GRB2: variants seen among roughly 807,000 people sequenced by gnomAD.
GRB2 encodes growth factor receptor-bound protein 2.
A neutral mutation model predicts 27.4 loss-of-function variants in GRB2; 2 were observed. The ratio of observed to expected loss-of-function variants is 0.07; its 90% confidence interval spans 0.03 to 0.23. GRB2 has a LOEUF of 0.23. Among genes scored for constraint, GRB2 ranks in the 10% least tolerant of loss-of-function variants. The probability of loss-of-function intolerance (pLI) is 1.00; values close to 1 mark genes in which losing one functional copy is unlikely to be tolerated. For missense variants in GRB2, 102 were observed against 282.4 expected, an observed-to-expected ratio of 0.36 and a Z score of 4.58; for synonymous variants, 94 against 99.6, an observed-to-expected ratio of 0.94 and a Z score of 0.33.
intron 2 of GRB2, among the ~76,000 whole-genome samples, chr17:75,356,418 G>A (rs1438651275): frequency 3.9e-5 from 6 of 152,134 alleles, no homozygotes; most frequent in Non-Finnish European, 7.4e-5. Context: ...TGAGGCAGGA[G>A]GATCGCTTGA....
chr17:75,338,989 A>G (rs1416494605), intron 2 of GRB2: 11 of 1,248,402 alleles, frequency 8.8e-6, no homozygotes, highest in Admixed American at 8.4e-5. Context: ...GACTAAGTCG[A>G]TTTTCCGGAA....
intron 2 of GRB2, among the ~76,000 whole-genome samples, chr17:75,354,264 T>TGGGGGG (rs755108476): frequency 1.3e-4 from 5 of 38,200 alleles, no homozygotes; most frequent in African/African-American, 2.5e-4. Flanking sequence ...TCTTTTTTTT[T>TGGGGGG]GGGGGGGGGG....
chr17:75,405,375 G>C (rs1389741802), intron 1 of GRB2, 114 bp downstream of exon 1: 1 of 152,282 alleles, frequency 6.6e-6, no homozygotes, highest in Non-Finnish European at 1.5e-5. Context: ...CCCAAGCCTC[G>C]CCGCCCCGAC....
intron 2 of GRB2, chr17:75,372,575 GA>G (rs1278066844): frequency 6.6e-6 from 1 of 152,158 alleles, no homozygotes; most frequent in Non-Finnish European, 1.5e-5. Flanking sequence ...AGTGATTCCA[GA>G]AACACTGGTG....
intron 2 of GRB2, among the ~76,000 whole-genome samples, chr17:75,388,829 C>A (rs2078981264): frequency 6.6e-6 from 1 of 152,134 alleles, no homozygotes; most frequent in Non-Finnish European, 1.5e-5. Flanking sequence ...CTCTAACCAA[C>A]CAAACTAGGG....
intron 4 of GRB2, among the ~76,000 whole-genome samples, chr17:75,323,152 TGA>T (rs775578247): frequency 6.7e-6 from 1 of 148,734 alleles, no homozygotes; most frequent in East Asian, 2.0e-4. Flanking sequence ...AGGCATTCTC[TGA>T]GAGTGCTTGT....
At chr17:75,404,627 G>A (rs1268327108) in intron 1 of GRB2, among the ~76,000 whole-genome samples, 1 of 152,110 alleles carries the variant, frequency 6.6e-6, no homozygotes, top group African/African-American at 2.4e-5. Context: ...GAAGCAGATA[G>A]AGAAGGAAGG....
rs918870258 is a variant in GRB2 at position 75,337,987 on chromosome 17, G to C, written c.79-5190C>G. ...ACTCTGTTGCCCAGGCTGGAGTGCA[G>C]TGGCACAATCTCGGCTCACTGCAAC... On this transcript the variant is annotated intron_variant, in intron 2 of 5. Coordinates refer to ENST00000316804, the MANE Select transcript of GRB2 (RefSeq NM_002086.5). Among the ~76,000 whole-genome samples, 81 of 150,108 alleles carry C rather than the reference G, an allele frequency of 5.4e-4. 1 individual carries two copies. Among genetic ancestry groups the C allele is most frequent in the Middle Eastern group, 3.5e-3 (1 of 286 alleles).
chr17:75,393,275 C>A, intron 2 of GRB2: 1 of 504,772 alleles, frequency 2.0e-6, no homozygotes, highest in Non-Finnish European at 3.5e-6. Context: ...TTCCTTTCTA[C>A]AATCACATTA....
intron 2 of GRB2, among the ~76,000 whole-genome samples, chr17:75,375,387 G>GAAA (rs11464562): frequency 2.0e-5 from 3 of 147,578 alleles, no homozygotes; most frequent in Non-Finnish European, 3.0e-5. Context: ...CAATCTTCAG[G>GAAA]AAAAAAAAAA....
At chr17:75,343,939 T>C (rs578096980) in intron 2 of GRB2, among the ~76,000 whole-genome samples, 9 of 152,214 alleles carry the variant, frequency 5.9e-5, no homozygotes, top group African/African-American at 1.9e-4. Flanking sequence ...TGACCTGTAC[T>C]AGACAAACAC....
Position 75,393,665 on chromosome 17 carries a change from G to A in GRB2, c.-37C>T. On this transcript the variant is annotated 5_prime_UTR_variant, in exon 2 of 6. Transcript: ENST00000316804. ...CTCAGTGCTCAGCAGCCTGAAGCAG[G>A]GGGAAGGGAGTCTTCCCTGCTGAAG... 6.4e-7 allele frequency: 1 copy of A among 1,551,776 alleles called. No homozygotes were observed. Among genetic ancestry groups the A allele is most frequent in the Non-Finnish European group, 8.9e-7 (1 of 1,123,638 alleles).
intron 3 of GRB2, among the ~76,000 whole-genome samples, chr17:75,330,612 T>C (rs1289306518): frequency 6.6e-6 from 1 of 152,002 alleles, no homozygotes; most frequent in Non-Finnish European, 1.5e-5. Flanking sequence ...AGGCGGAGGT[T>C]GCAGTGAGCT....
chr17:75,322,372 CAA>C (rs544297344), intron 4 of GRB2, among the ~76,000 whole-genome samples: 21 of 84,580 alleles, frequency 2.5e-4, no homozygotes, highest in Admixed American at 5.2e-4. Context: ...AACTCTGTCT[CAA>C]AAAAAAAAAA....
intron 2 of GRB2, among the ~76,000 whole-genome samples, chr17:75,337,136 G>A (rs1414240171): frequency 1.3e-5 from 2 of 152,144 alleles, no homozygotes; most frequent in Admixed American, 6.5e-5. Context: ...AGGTATTGCT[G>A]CACATACCTC....
chr17:75,339,003 G>C lies in GRB2; in HGVS notation c.79-6206C>G. On this transcript the variant is annotated intron_variant, in intron 2 of 5. Transcript: ENST00000316804. Reference sequence around the variant, plus strand: ...AGACTAAGTCGATTTTCCGGAAAAAGGCTGAAACCACAAAGAAGACTGTGC... The same window carrying C: ...AGACTAAGTCGATTTTCCGGAAAAACGCTGAAACCACAAAGAAGACTGTGC... The C allele has an allele frequency of 4.0e-6, 5 of 1,258,536 alleles. No individual in the cohort carries two copies. In the South Asian group the frequency reaches 4.8e-5, roughly 12 times the overall value. 78.0% of individuals were successfully genotyped at this position (1,258,536 alleles called of 1,614,324 possible).
intron 1 of GRB2, among the ~76,000 whole-genome samples, chr17:75,395,548 C>A (rs545704616): frequency 1.3e-5 from 2 of 152,252 alleles, no homozygotes; most frequent in South Asian, 4.1e-4. Flanking sequence ...CCTACCAACA[C>A]CCACAGGCGA....
intron 2 of GRB2, among the ~76,000 whole-genome samples, chr17:75,370,234 T>C (rs1452487130): frequency 1.3e-5 from 2 of 152,116 alleles, no homozygotes; most frequent in Non-Finnish European, 2.9e-5. Context: ...ATGGGCAAAT[T>C]TAAAAAGATA....
intron 2 of GRB2, among the ~76,000 whole-genome samples, chr17:75,337,930 A>G (rs575789832): frequency 6.8e-4 from 97 of 142,444 alleles, no homozygotes; most frequent in African/African-American, 2.5e-3. Context: ...TATTATTATT[A>G]TTATTATTAT....
Sources: allele counts gnomAD v4.1 joint callset (sites outside exome capture counted in the v4.1 genomes callset), GRCh38; gene constraint gnomAD v4.1.1; transcripts MANE v1.5; gene names NCBI Gene and HGNC (gene_info 2026-07-23, HGNC 2026-07-21).